FSTL5: variants seen among roughly 807,000 people sequenced by gnomAD.
FSTL5 encodes follistatin like 5.
FSTL5 carries 62 observed loss-of-function variants against 89.1 expected under a neutral mutation model. The observed-to-expected ratio is 0.70, with a 90% CI of 0.57 to 0.86. The LOEUF (loss-of-function observed/expected upper bound fraction) is 0.86, where lower values mean the gene tolerates loss of function less well. Ranked by LOEUF, FSTL5 falls within the 40% of genes least tolerant of loss-of-function variation. The pLI is 0.00. For synonymous variants in FSTL5, 383 were observed against 346.2 expected (o/e 1.11, Z -1.18); for missense variants, 1,057 against 1,001.6 (o/e 1.06, Z -0.75).
Position 161,443,759 on chromosome 4 carries a change from C to T in FSTL5, c.1841+11245G>A, listed in dbSNP as rs555806784. Among the ~76,000 whole-genome samples, 42 of 151,916 alleles carry T rather than the reference C, an allele frequency of 2.8e-4. No individual in the cohort carries two copies. The South Asian group carries it at 8.1e-3, about 29-fold the overall frequency. Reference sequence around the variant, plus strand: ...CTGAGTTTGGCTAGGAGATTGATAACAATTAAGAGGATCTAAATGAGAATT... The same window carrying T: ...CTGAGTTTGGCTAGGAGATTGATAATAATTAAGAGGATCTAAATGAGAATT... On this transcript the variant is annotated intron_variant, in intron 15 of 15. Coordinates refer to ENST00000306100, the MANE Select transcript of FSTL5 (RefSeq NM_020116.5).
At chr4:161,706,609 C>A (rs1579036902) in intron 6 of FSTL5, among the ~76,000 whole-genome samples, 1 of 151,938 alleles carries the variant, frequency 6.6e-6, no homozygotes, top group East Asian at 1.9e-4. Flanking sequence ...ACTGAGGTGT[C>A]CTCTTCTTTA....
chr4:162,000,404 A>G (rs1736426176), intron 3 of FSTL5, among the ~76,000 whole-genome samples: 1 of 152,048 alleles, frequency 6.6e-6, no homozygotes, highest in South Asian at 2.1e-4. Context: ...CAGTCTGGCC[A>G]ACATGATGAA....
chr4:162,135,924 A>C (rs1367926333), intron 1 of FSTL5, among the ~76,000 whole-genome samples: 1 of 152,038 alleles, frequency 6.6e-6, no homozygotes, highest in East Asian at 1.9e-4. Flanking sequence ...TTTTATGCTA[A>C]TGAGTTTCTG....
chr4:161,526,439 G>A (rs1262428723), intron 10 of FSTL5, among the ~76,000 whole-genome samples: 1 of 152,110 alleles, frequency 6.6e-6, no homozygotes, highest in Non-Finnish European at 1.5e-5. Flanking sequence ...CAATTTAGGG[G>A]AAAGATATAC....
intron 3 of FSTL5, among the ~76,000 whole-genome samples, chr4:162,001,357 A>T (rs1736457622): frequency 6.6e-6 from 1 of 152,198 alleles, no homozygotes; most frequent in South Asian, 2.1e-4. Flanking sequence ...AATTGAAGAG[A>T]TATTTAGCAA....
At chr4:161,412,210 C>T (rs1731616409) in intron 15 of FSTL5, among the ~76,000 whole-genome samples, 1 of 152,074 alleles carries the variant, frequency 6.6e-6, no homozygotes, top group African/African-American at 2.4e-5. Flanking sequence ...AATAGAAATA[C>T]ATTACATGCT....
At chr4:161,826,291 C>T (rs1325464911) in intron 4 of FSTL5, among the ~76,000 whole-genome samples, 1 of 151,994 alleles carries the variant, frequency 6.6e-6, no homozygotes, top group Non-Finnish European at 1.5e-5. Flanking sequence ...ATTTTGTGAC[C>T]TATCATATGG....
chr4:161,810,007 A>G (rs1380946460), intron 4 of FSTL5, among the ~76,000 whole-genome samples: 2 of 152,176 alleles, frequency 1.3e-5, no homozygotes. Flanking sequence ...TTGAATCAAA[A>G]TTTCATTGCT....
chr4:161,857,596 T>C (rs1228404958), intron 4 of FSTL5, among the ~76,000 whole-genome samples: 1 of 152,176 alleles, frequency 6.6e-6, no homozygotes, highest in African/African-American at 2.4e-5. Flanking sequence ...CAAGCCTACA[T>C]GAGTAGATTT....
At chr4:161,578,675 T>C (rs1157129666) in intron 8 of FSTL5, among the ~76,000 whole-genome samples, 2 of 152,008 alleles carry the variant, frequency 1.3e-5, no homozygotes, top group Non-Finnish European at 1.5e-5. Flanking sequence ...AGGCTTACCA[T>C]ATATAAATTG....
intron 6 of FSTL5, among the ~76,000 whole-genome samples, chr4:161,731,786 T>G (rs6824730): frequency 1.3e-5 from 2 of 151,558 alleles, no homozygotes; most frequent in East Asian, 3.9e-4. Context: ...TTTTACTCAG[T>G]CTAATAATTT....
In FSTL5 at chr4:161,502,946, T is replaced by A. The variant is rs1256363962; in HGVS notation, c.1340-2812A>T. ...AAGAAAATAATATATTTGTATAGAT[T>A]TTTACTAACTACTAAATTTATATAT... On this transcript the variant is annotated intron_variant, in intron 11 of 15. Coordinates refer to ENST00000306100, the MANE Select transcript of FSTL5 (RefSeq NM_020116.5). Among the ~76,000 whole-genome samples, 3 of 151,652 alleles carry A rather than the reference T, an allele frequency of 2.0e-5. No individual in the cohort carries two copies. In the East Asian group the frequency reaches 5.8e-4, roughly 29 times the overall value.
intron 10 of FSTL5, among the ~76,000 whole-genome samples, chr4:161,536,004 C>T (rs749545456): frequency 2.0e-5 from 3 of 152,074 alleles, no homozygotes; most frequent in Non-Finnish European, 4.4e-5. Context: ...CCAAATACCA[C>T]ATGTTCTCAC....
rs1464035145 is a variant in FSTL5 at position 162,064,050 on chromosome 4, A to G, written c.127-30392T>C. Among the ~76,000 whole-genome samples, 3 of 151,388 alleles carry G rather than the reference A, an allele frequency of 2.0e-5. No homozygotes were observed. The East Asian group carries it at 5.8e-4, about 29-fold the overall frequency. On this transcript the variant is annotated intron_variant, in intron 2 of 15. Transcript: ENST00000306100. ...GTTGCCTTACTTACATTTTTTTTCT[A>G]TCTTCTCTCTGTTAATTATTTAGCT... is the stretch of plus-strand genomic sequence containing the variant.
At chr4:162,146,607 C>T (rs910449026) in intron 1 of FSTL5, among the ~76,000 whole-genome samples, 4 of 151,256 alleles carry the variant, frequency 2.6e-5, no homozygotes, top group Admixed American at 6.6e-5. Flanking sequence ...ATGCCAATAC[C>T]TTACTATTAA....
At chr4:161,542,399 A>AT (rs914387406) in intron 9 of FSTL5, 133 bp downstream of exon 9, 52 of 470,138 alleles carry the variant, frequency 1.1e-4, no homozygotes, top group Middle Eastern at 9.6e-4. Context: ...AGATATGAGC[A>AT]TTTTTTTTCA....
chr4:161,826,097 C>T (rs1560867334), intron 4 of FSTL5, among the ~76,000 whole-genome samples: 1 of 152,000 alleles, frequency 6.6e-6, no homozygotes. Context: ...TTGTTCAATT[C>T]AAAGAAGTTT....
At chr4:162,100,746 G>T (rs558523877) in intron 2 of FSTL5, among the ~76,000 whole-genome samples, 1 of 152,194 alleles carries the variant, frequency 6.6e-6, no homozygotes, top group South Asian at 2.1e-4. Flanking sequence ...TAAAGGGAGG[G>T]CTGTGCATGT....
At chr4:161,766,575 AT>A (rs1184243373) in intron 5 of FSTL5, among the ~76,000 whole-genome samples, 1 of 152,158 alleles carries the variant, frequency 6.6e-6, no homozygotes, top group Non-Finnish European at 1.5e-5. Flanking sequence ...TAAACCCATC[AT>A]TGTGTCTTCG....
Sources: allele counts gnomAD v4.1 joint callset (sites outside exome capture counted in the v4.1 genomes callset), GRCh38; gene constraint gnomAD v4.1.1; transcripts MANE v1.5; gene names NCBI Gene and HGNC (gene_info 2026-07-23, HGNC 2026-07-21).